HYCC2: variants seen among roughly 807,000 people sequenced by gnomAD.
The protein encoded by HYCC2 is hyccin 2.
At chr2:200,992,914 T>C in the HYCC2 span, 3 of 1,612,266 alleles carry the variant, frequency 1.9e-6, no homozygotes, top group Admixed American at 3.3e-5. Context: ...TGTGAGAAGT[T>C]GCACCATAAA....
the HYCC2 span, chr2:200,976,500 C>T: frequency 6.6e-6 from 1 of 152,104 alleles, no homozygotes; most frequent in African/African-American, 2.4e-5. Flanking sequence ...TTGTCAACAA[C>T]TGAAGTACTC....
chr2:201,008,719 A>AC, the HYCC2 span, among the ~76,000 whole-genome samples: 1 of 151,900 alleles, frequency 6.6e-6, no homozygotes, highest in Non-Finnish European at 1.5e-5. Context: ...ACATAGCAAG[A>AC]CCTTTTCTCT....
the HYCC2 span, among the ~76,000 whole-genome samples, chr2:201,033,194 T>TGAGAGA: frequency 4.2e-4 from 53 of 125,774 alleles, no homozygotes; most frequent in African/African-American, 1.0e-3. Context: ...TGTGTGTGTG[T>TGAGAGA]GTGAGAGAGA....
chr2:201,042,855 G>T, the HYCC2 span, among the ~76,000 whole-genome samples: 1 of 131,988 alleles, frequency 7.6e-6, no homozygotes, highest in East Asian at 2.2e-4. Context: ...TCTGGGAGGT[G>T]GGGGGGCCCC....
the HYCC2 span, chr2:200,978,038 T>C: frequency 6.6e-6 from 1 of 152,204 alleles, no homozygotes; most frequent in Non-Finnish European, 1.5e-5. Flanking sequence ...TAAATATCTT[T>C]TTCATAGATG....
chr2:200,998,007 GC>G, the HYCC2 span, among the ~76,000 whole-genome samples: 1 of 152,206 alleles, frequency 6.6e-6, no homozygotes, highest in Non-Finnish European at 1.5e-5. Context: ...CTGCACTCCA[GC>G]CCGGGCAACA....
At chr2:201,039,341 G>A in the HYCC2 span, among the ~76,000 whole-genome samples, 1 of 152,162 alleles carries the variant, frequency 6.6e-6, no homozygotes, top group Non-Finnish European at 1.5e-5. Flanking sequence ...AGCACCTTCA[G>A]CACTGACAGT....
chr2:201,046,829 A>T, the HYCC2 span, among the ~76,000 whole-genome samples: 1 of 152,242 alleles, frequency 6.6e-6, no homozygotes, highest in East Asian at 1.9e-4. Context: ...CAACAGAGAA[A>T]AATGTGATCC....
chr2:201,011,680 C>G, the HYCC2 span, among the ~76,000 whole-genome samples: 2 of 152,094 alleles, frequency 1.3e-5, no homozygotes, highest in Admixed American at 1.3e-4. Flanking sequence ...TCCACAGAAT[C>G]CACAGAGAGA....
At chr2:201,038,348 A>T in the HYCC2 span, among the ~76,000 whole-genome samples, 4 of 152,184 alleles carry the variant, frequency 2.6e-5, no homozygotes, top group African/African-American at 9.7e-5. Context: ...TTCCTCAGGG[A>T]TCTAGAACTA....
chr2:200,995,997 C>T, the HYCC2 span: 1 of 149,782 alleles, frequency 6.7e-6, no homozygotes, highest in Non-Finnish European at 1.5e-5. Context: ...TGTCTCTGAA[C>T]TAATTTGTAT....
the HYCC2 span, chr2:200,992,904 T>C: frequency 1.2e-6 from 2 of 1,605,114 alleles, no homozygotes; most frequent in Admixed American, 1.7e-5. Context: ...AATAAACCCC[T>C]GTGAGAAGTT....
At chr2:201,012,217 T>C in the HYCC2 span, among the ~76,000 whole-genome samples, 1 of 152,178 alleles carries the variant, frequency 6.6e-6, no homozygotes, top group African/African-American at 2.4e-5. Flanking sequence ...CCCATCACTT[T>C]GGGAGGCCAA....
the HYCC2 span, among the ~76,000 whole-genome samples, chr2:201,037,937 C>T: frequency 6.6e-6 from 1 of 152,038 alleles, no homozygotes; most frequent in African/African-American, 2.4e-5. Flanking sequence ...AAAGAAACTA[C>T]CATCAGAGTG....
At chr2:201,014,073 A>G in the HYCC2 span, among the ~76,000 whole-genome samples, 1 of 152,224 alleles carries the variant, frequency 6.6e-6, no homozygotes, top group Non-Finnish European at 1.5e-5. Context: ...GCATTTTTCT[A>G]TAGTATACTA....
the HYCC2 span, among the ~76,000 whole-genome samples, chr2:201,000,000 G>A: frequency 6.8e-6 from 1 of 147,720 alleles, no homozygotes; most frequent in Non-Finnish European, 1.5e-5. Context: ...GGAGGTTATG[G>A]TGAGCTGAGA....
the HYCC2 span, among the ~76,000 whole-genome samples, chr2:201,042,767 G>T: frequency 1.3e-5 from 2 of 149,386 alleles, no homozygotes; most frequent in African/African-American, 2.5e-5. Flanking sequence ...CCGCCGCCCC[G>T]TCTGGGAGGT....
the HYCC2 span, chr2:201,063,356 G>C: frequency 3.8e-6 from 6 of 1,571,620 alleles, no homozygotes; most frequent in Non-Finnish European, 3.5e-6. Flanking sequence ...AAAGAGAGCT[G>C]TCTCGAGAGA....
chr2:200,978,945 T>C, the HYCC2 span: 1 of 152,202 alleles, frequency 6.6e-6, no homozygotes, highest in Admixed American at 6.5e-5. Flanking sequence ...ATGCACAATT[T>C]GAATTGAAAA....
Sources: allele counts gnomAD v4.1 joint callset (sites outside exome capture counted in the v4.1 genomes callset), GRCh38; gene constraint gnomAD v4.1.1; transcripts MANE v1.5; gene names NCBI Gene and HGNC (gene_info 2026-07-23, HGNC 2026-07-21).